SLC4A10: variants seen among roughly 807,000 people sequenced by gnomAD.
SLC4A10 encodes the protein solute carrier family 4 member 10.
A neutral mutation model predicts 137.7 loss-of-function variants in SLC4A10; 42 were observed. That is an observed-to-expected ratio of 0.30 (90% confidence interval 0.24 to 0.39). The LOEUF (loss-of-function observed/expected upper bound fraction) is 0.39. Among genes scored for constraint, SLC4A10 ranks in the 10% least tolerant of loss-of-function variants. SLC4A10 has a pLI of 1.00. For synonymous variants in SLC4A10, 474 were observed against 464.1 expected (o/e 1.02, Z -0.27); for missense variants, 925 against 1,355.0 (o/e 0.68, Z 4.98).
intron 19 of SLC4A10, among the ~76,000 whole-genome samples, chr2:161,951,977 G>A (rs1223878209): frequency 3.3e-5 from 5 of 152,018 alleles, no homozygotes; most frequent in East Asian, 1.9e-4. Flanking sequence ...ACAACTTTAT[G>A]TATTTTATTA....
intron 1 of SLC4A10, among the ~76,000 whole-genome samples, chr2:161,728,337 G>C (rs2046441619): frequency 6.6e-6 from 1 of 152,188 alleles, no homozygotes; most frequent in African/African-American, 2.4e-5. Context: ...CATTTTGGGA[G>C]CTCAAGGTGG....
In SLC4A10 at chr2:161,624,545, A is replaced by G. The variant is rs771437643; in HGVS notation, c.27A>G (p.Gln9=). 4.5e-6 allele frequency: 7 copies of G among 1,553,670 alleles called. No individual in the cohort carries two copies. Among genetic ancestry groups the G allele is most frequent in the Non-Finnish European group, 5.2e-6 (6 of 1,148,316 alleles). MEIKDQGA[Q]MEPLLPTRND... is the part of the protein sequence containing the mutation. ...TGGAGATTAAAGACCAGGGAGCCCA[A>G]ATGGAGCCGCTGCTGCCTACGGTAA... Residue 9 remains glutamine (Q), a synonymous_variant, in exon 1 of 27, where the codon CAA becomes CAG. Transcript: ENST00000446997.
At chr2:161,703,219 C>T (rs769949245) in intron 1 of SLC4A10, among the ~76,000 whole-genome samples, 1 of 151,118 alleles carries the variant, frequency 6.6e-6, no homozygotes, top group Non-Finnish European at 1.5e-5. Flanking sequence ...GCTGTGTGCA[C>T]AAAGATGTTT....
At chr2:161,949,923 A>G (rs1694495650) in intron 18 of SLC4A10, among the ~76,000 whole-genome samples, 1 of 151,838 alleles carries the variant, frequency 6.6e-6, no homozygotes, top group Non-Finnish European at 1.5e-5. Flanking sequence ...TGAGCGCTCA[A>G]AAGTTTCAGA....
Position 161,858,866 on chromosome 2 carries a change from T to C in SLC4A10, c.577+3736T>C, listed in dbSNP as rs1488353552. On this transcript the variant is annotated intron_variant, in intron 5 of 26. Coordinates refer to ENST00000446997, the MANE Select transcript of SLC4A10 (RefSeq NM_001178015.2). Reference sequence around the variant, plus strand: ...AAAATCTTTCATTGAAGGAAGAATCTACAGTTTGCTCCACTGAATGTAATC... The same window carrying C: ...AAAATCTTTCATTGAAGGAAGAATCCACAGTTTGCTCCACTGAATGTAATC... Among the ~76,000 whole-genome samples, 7 of 152,354 alleles carry C rather than the reference T, an allele frequency of 4.6e-5. No homozygotes were observed. The East Asian group carries it at 1.3e-3, about 29-fold the overall frequency.
intron 1 of SLC4A10, among the ~76,000 whole-genome samples, chr2:161,697,675 T>C (rs2042677274): frequency 6.6e-6 from 1 of 152,248 alleles, no homozygotes; most frequent in Admixed American, 6.5e-5. Context: ...ATCTCTGTTT[T>C]GGTACCAGTA....
Position 161,804,586 on chromosome 2 carries a change from C to T in SLC4A10, c.268C>T (p.Pro90Ser), listed in dbSNP as rs1426977623. 5 of 1,609,084 alleles carry T rather than the reference C, an allele frequency of 3.1e-6. No homozygotes were observed. The highest frequency in any genetic ancestry group is 4.2e-6 in the Non-Finnish European group (5 of 1,177,652). The change falls in exon 3 of 27, where the codon CCT becomes TCT. Residue 90 changes from proline to serine, a missense_variant. Transcript: ENST00000446997. ...DSGLEDGRES[P>S]SFDTPSQRVQ... ...AGGATTAGAGGATGGAAGGGAGTCA[C>T]CTTCTTTTGGTAAGAATCCTTCTCC...
intron 1 of SLC4A10, among the ~76,000 whole-genome samples, chr2:161,695,576 C>A (rs2042401703): frequency 6.6e-6 from 1 of 152,062 alleles, no homozygotes; most frequent in Admixed American, 6.6e-5. Flanking sequence ...GTTTAACAAA[C>A]CATTTATTGA....
chr2:161,689,030 T>C (rs1195914672), intron 1 of SLC4A10, among the ~76,000 whole-genome samples: 1 of 152,060 alleles, frequency 6.6e-6, no homozygotes, highest in Non-Finnish European at 1.5e-5. Flanking sequence ...GATAAAAGAT[T>C]ATAGGATAAG....
rs146546022 is a variant in SLC4A10, at chr2:161,832,493, C to G, written c.278-7296C>G. On this transcript the variant is annotated intron_variant, in intron 3 of 26. Transcript: ENST00000446997. ...GTAGCAAACTTGTGGACCAAATTGT[C>G]TAGTAAGCAGAGCAATAAATATTCT... is the stretch of plus-strand genomic sequence containing the variant. Among the ~76,000 whole-genome samples the G allele has an allele frequency of 5.8e-4, 89 of 152,226 alleles. 1 individual carries two copies. In the East Asian group the frequency reaches 0.013, roughly 23 times the overall value.
At chr2:161,961,843 A>G (rs534003533) in intron 21 of SLC4A10, among the ~76,000 whole-genome samples, 2 of 152,302 alleles carry the variant, frequency 1.3e-5, no homozygotes, top group Admixed American at 6.5e-5. Context: ...GTTAAATATA[A>G]TGAGTTTTAA....
Position 161,937,961 on chromosome 2 carries a change from GA to G in SLC4A10, c.1998-4821del, listed in dbSNP as rs565861837. On this transcript the variant is annotated intron_variant, in intron 15 of 26. Transcript: ENST00000446997. ...ATATGCTGAAGCCCTGTTGACTAAA[GA>G]AAAAAAAAATCAAGCTTTTAAAGTA... Among the ~76,000 whole-genome samples, 873 of 149,240 alleles carry G rather than the reference GA, an allele frequency of 5.8e-3. 11 individuals are homozygous for G. Among genetic ancestry groups the G allele is most frequent in the African/African-American group, 0.02 (813 of 40,720 alleles).
At chr2:161,852,523 T>G (rs62187752) in intron 4 of SLC4A10, among the ~76,000 whole-genome samples, 9,253 of 152,274 alleles carry the variant, frequency 0.061, 367 homozygotes, top group East Asian at 0.13. Flanking sequence ...AAACCATCTA[T>G]TTTTATCTAG....
chr2:161,903,823 C>T (rs144015223), intron 12 of SLC4A10, among the ~76,000 whole-genome samples, 181 bp from the exon 13 acceptor site: 19 of 152,236 alleles, frequency 1.2e-4, no homozygotes, highest in South Asian at 1.0e-3. Context: ...ATTGAGGTAA[C>T]GAACGTAGTT....
At chr2:161,752,955 G>A (rs2049152914) in intron 1 of SLC4A10, among the ~76,000 whole-genome samples, 1 of 152,018 alleles carries the variant, frequency 6.6e-6, no homozygotes, top group Non-Finnish European at 1.5e-5. Flanking sequence ...ATGTTAATTA[G>A]CTTGATTTAG....
intron 4 of SLC4A10, among the ~76,000 whole-genome samples, chr2:161,841,729 T>TTAGTTA (rs2059197042): frequency 6.6e-6 from 1 of 152,202 alleles, no homozygotes; most frequent in South Asian, 2.1e-4. Context: ...TTATTAACAT[T>TTAGTTA]TTAAAGTAAA....
Position 161,984,173 on chromosome 2 carries a change from A to T in SLC4A10, c.*1021A>T, listed in dbSNP as rs1470665646. On this transcript the variant is annotated 3_prime_UTR_variant, in exon 27 of 27. Coordinates refer to ENST00000446997, the MANE Select transcript of SLC4A10 (RefSeq NM_001178015.2). ...TCTCATGTTAGACCAACAGCTCTCC[A>T]ATTGTCATTTTTTTTCTGCAGAGTT... The T allele has an allele frequency of 6.6e-6, 1 of 152,030 alleles. No individual in the cohort carries two copies. Among genetic ancestry groups the T allele is most frequent in the African/African-American group, 2.4e-5 (1 of 41,400 alleles). 9.4% of individuals were successfully genotyped at this position (152,030 alleles called of 1,614,324 possible).
chr2:161,863,357 T>A (rs2060541290), intron 6 of SLC4A10, among the ~76,000 whole-genome samples: 1 of 152,172 alleles, frequency 6.6e-6, no homozygotes, highest in African/African-American at 2.4e-5. Flanking sequence ...ATCTGTGGCA[T>A]ACCAAATAAG....
intron 15 of SLC4A10, among the ~76,000 whole-genome samples, chr2:161,933,279 TTTTC>T (rs1690920720): frequency 6.7e-6 from 1 of 150,036 alleles, no homozygotes; most frequent in African/African-American, 2.5e-5. Flanking sequence ...CTTCCTTTCT[TTTTC>T]TTTCTCTTTC....
Sources: allele counts gnomAD v4.1 joint callset (sites outside exome capture counted in the v4.1 genomes callset), GRCh38; gene constraint gnomAD v4.1.1; transcripts MANE v1.5; gene names NCBI Gene and HGNC (gene_info 2026-07-23, HGNC 2026-07-21).